Variants in LARGE1 observed in about 807,000 individuals in gnomAD.
The protein encoded by LARGE1 is xylosyl- and glucuronyltransferase LARGE1.
A neutral mutation model predicts 87.6 loss-of-function variants in LARGE1; 43 were observed. That is an observed-to-expected ratio of 0.49 (90% CI 0.38 to 0.63). The LOEUF (loss-of-function observed/expected upper bound fraction) is 0.63. Among genes scored for constraint, LARGE1 ranks in the 30% least tolerant of loss-of-function variants. LARGE1 has a pLI of 0.00. For synonymous variants in LARGE1, 434 were observed against 394.6 expected (o/e 1.10, Z -1.18); for missense variants, 802 against 1,000.2 (o/e 0.80, Z 2.67).
intron 6 of LARGE1, among the ~76,000 whole-genome samples, chr22:33,442,794 C>CTT (rs559941819): frequency 6.4e-5 from 9 of 140,174 alleles, no homozygotes; most frequent in African/African-American, 1.0e-4. Flanking sequence ...ATACTGATAG[C>CTT]TTTTTTTTTT....
Position 33,645,026 on chromosome 22 carries a change from T to C in LARGE1, c.408+5341A>G, listed in dbSNP as rs140576510. ...CAATGCTATTCCCATCAAGCTACCA[T>C]TGACTTTCTTCAAAGAATTAGAAAA... On this transcript the variant is annotated intron_variant, in intron 3 of 14. Transcript: ENST00000397394. Among the ~76,000 whole-genome samples, 149 of 152,286 alleles carry C rather than the reference T, an allele frequency of 9.8e-4. 2 individuals carry two copies. In the East Asian group the frequency reaches 0.02, roughly 20 times the overall value.
intron 6 of LARGE1, among the ~76,000 whole-genome samples, chr22:33,464,837 A>G (rs1255207364): frequency 1.3e-5 from 2 of 151,846 alleles, no homozygotes; most frequent in Non-Finnish European, 2.9e-5. Flanking sequence ...ACATGCACAC[A>G]CCCACGCACA....
chr22:33,299,568 CG>C (rs1933865834), intron 12 of LARGE1, among the ~76,000 whole-genome samples: 1 of 151,722 alleles, frequency 6.6e-6, no homozygotes, highest in Non-Finnish European at 1.5e-5. Context: ...TTTGCAATGG[CG>C]GGGGTTGGGT....
intron 1 of LARGE1, among the ~76,000 whole-genome samples, chr22:33,841,689 C>A (rs2063286209): frequency 6.6e-6 from 1 of 152,166 alleles, no homozygotes. Flanking sequence ...CTATGTCTCC[C>A]CCTGAAGCCC....
rs564837593 is a variant in LARGE1 at position 33,752,862 on chromosome 22, T to C, written c.106+8509A>G. 6.6e-5 allele frequency among the ~76,000 whole-genome samples: 10 copies of C among 152,344 alleles called. 2 individuals are homozygous for C. Among genetic ancestry groups the C allele is most frequent in the African/African-American group, 2.2e-4 (9 of 41,580 alleles). ...TCCATGGCCAACAGGGCTTCGCCAG[T>C]ACCATTAAATTAAGGATTTTCAGAC... On this transcript the variant is annotated intron_variant, in intron 2 of 14. Coordinates refer to ENST00000397394, the MANE Select transcript of LARGE1 (RefSeq NM_133642.5).
At chr22:33,500,493 C>T (rs900594300) in intron 6 of LARGE1, among the ~76,000 whole-genome samples, 19 of 152,126 alleles carry the variant, frequency 1.2e-4, no homozygotes, top group African/African-American at 3.6e-4. Context: ...CCGCAGGAGA[C>T]TATTTGGATA....
rs756913439 is a variant in LARGE1 at position 33,274,420 on chromosome 22, C to T, written c.*7G>A. 90 of 1,614,148 alleles carry T rather than the reference C, an allele frequency of 5.6e-5. No individual in the cohort carries two copies. Among genetic ancestry groups the T allele is most frequent in the East Asian group, 1.1e-4 (5 of 44,882 alleles). ...CATGTCTCCCCCTAGTGGTGGGCTT[C>T]TTGGTGCTAGCTGTTGTTCTCGGCT... On this transcript the variant is annotated 3_prime_UTR_variant, in exon 15 of 15. Coordinates refer to ENST00000397394, the MANE Select transcript of LARGE1 (RefSeq NM_133642.5).
At chr22:33,269,964 C>T (rs1343422314), downstream of LARGE1, among the ~76,000 whole-genome samples, 1 of 149,226 alleles carries the variant, frequency 6.7e-6, no homozygotes, top group African/African-American at 2.5e-5. Flanking sequence ...GAGATCGCGC[C>T]ACTACACTCC....
chr22:33,775,120 C>A (rs1333745993), intron 1 of LARGE1, among the ~76,000 whole-genome samples: 1 of 152,218 alleles, frequency 6.6e-6, no homozygotes, highest in Non-Finnish European at 1.5e-5. Context: ...TTAATTCACT[C>A]AACTTTTACA....
chr22:33,376,025 G>A (rs1470142014), intron 9 of LARGE1, among the ~76,000 whole-genome samples: 1 of 152,064 alleles, frequency 6.6e-6, no homozygotes, highest in Non-Finnish European at 1.5e-5. Flanking sequence ...TCTATTTTTG[G>A]AAAAGCCAAT....
chr22:33,575,086 A>C (rs2078314280), intron 5 of LARGE1, among the ~76,000 whole-genome samples: 1 of 152,154 alleles, frequency 6.6e-6, no homozygotes, highest in Non-Finnish European at 1.5e-5. Flanking sequence ...GGTAGGGCCT[A>C]GAAATCCGTA....
In LARGE1 at chr22:33,223,700, G is replaced by T. The variant is rs558327076; in HGVS notation, c.1731-56868C>A. 8.5e-5 allele frequency among the ~76,000 whole-genome samples: 13 copies of T among 152,188 alleles called. No homozygotes were observed. In the South Asian group the frequency reaches 2.3e-3, roughly 27 times the overall value. On this transcript the variant is annotated intron_variant, in intron 11 of 11. Transcript: ENST00000608642. ...AGAGGTCACCTACTGGATTAGGCTTGCATGTCAATGACTCGGTTTAGACTC... is the reference window on the plus strand; with the variant it reads ...AGAGGTCACCTACTGGATTAGGCTTTCATGTCAATGACTCGGTTTAGACTC...
At chr22:33,357,774 A>G (rs955533622) in intron 9 of LARGE1, among the ~76,000 whole-genome samples, 4 of 152,212 alleles carry the variant, frequency 2.6e-5, no homozygotes, top group Admixed American at 2.0e-4. Flanking sequence ...AGCCCACGCA[A>G]TAAGAGTGAA....
intron 3 of LARGE1, among the ~76,000 whole-genome samples, chr22:33,632,512 T>G (rs769431160): frequency 2.0e-5 from 3 of 150,712 alleles, no homozygotes; most frequent in Non-Finnish European, 4.4e-5. Context: ...CCAGTGGGGG[T>G]CTCAGAGGTC....
In LARGE1 at chr22:33,831,483, G is replaced by A. The variant is rs1051887548; in HGVS notation, c.-82-69925C>T. ...CCCTGCCGTGAGGACGGAGTGGGAG[G>A]CTCATCGGAAGCTGCCTCTTCTCCT... On this transcript the variant is annotated intron_variant, in intron 1 of 14. Transcript: ENST00000397394. Among the ~76,000 whole-genome samples the A allele has an allele frequency of 2.6e-5, 4 of 152,224 alleles. No homozygotes were observed. The East Asian group carries it at 7.8e-4, about 30-fold the overall frequency.
chr22:33,732,757 T>C (rs771117908), intron 2 of LARGE1: 1 of 152,224 alleles, frequency 6.6e-6, no homozygotes, highest in Non-Finnish European at 1.5e-5. Flanking sequence ...ATCCAGAAGA[T>C]TGCAGTCACC....
intron 6 of LARGE1, among the ~76,000 whole-genome samples, chr22:33,495,131 GCCT>G (rs2070044049): frequency 6.6e-6 from 1 of 150,434 alleles, no homozygotes; most frequent in Admixed American, 6.6e-5. Flanking sequence ...ACACACAGAG[GCCT>G]CCTTTCTCTC....
rs1221722060 is a variant in LARGE1, at chr22:33,252,618, T to G, written c.1730+51611A>C. ...AGCAAAGTAGGAATTGAGTCGTTTA[T>G]TTTTCTTCCTTTTAAGTTTTAACAT... On this transcript the variant is annotated intron_variant, in intron 11 of 11. Coordinates refer to the LARGE1 transcript ENST00000608642. Among the ~76,000 whole-genome samples the G allele has an allele frequency of 4.5e-4, 69 of 152,188 alleles. 1 individual carries two copies. Among genetic ancestry groups the G allele is most frequent in the Admixed American group, 4.5e-3 (69 of 15,272 alleles).
intron 6 of LARGE1, among the ~76,000 whole-genome samples, chr22:33,448,103 T>C (rs1477279761): frequency 6.7e-6 from 1 of 150,312 alleles, no homozygotes; most frequent in Non-Finnish European, 1.5e-5. Flanking sequence ...GAGAGGGGGG[T>C]GTGGAATGAT....
Sources: gnomAD v4.1 joint callset for allele counts (sites outside exome capture counted in the v4.1 genomes callset) on GRCh38, gnomAD v4.1.1 for gene constraint, MANE v1.5 for transcripts, NCBI Gene and HGNC (gene_info 2026-07-23, HGNC 2026-07-21) for gene names.